ARID4B: variants seen among roughly 807,000 people sequenced by gnomAD.
The protein encoded by ARID4B is AT-rich interactive domain-containing protein 4B.
In ARID4B, 26 loss-of-function variants were observed where a neutral mutation model predicts 147.5. That is an observed-to-expected ratio of 0.18 (90% CI 0.13 to 0.24). The LOEUF is 0.24. Among genes scored for constraint, ARID4B ranks in the 10% least tolerant of loss-of-function variants. The probability of loss-of-function intolerance (pLI) is 1.00; values close to 1 mark genes in which losing one functional copy is unlikely to be tolerated. For missense variants in ARID4B, 1,179 were observed against 1,511.5 expected (o/e 0.78, Z 3.65); for synonymous variants, 512 against 507.9 (o/e 1.01, Z -0.11).
At chr1:235,173,397 A>G (rs145707253) in intron 22 of ARID4B, among the ~76,000 whole-genome samples, 1,566 of 152,188 alleles carry the variant, frequency 0.01, 25 homozygotes, top group African/African-American at 0.033. Context: ...AAAGACACCA[A>G]AATGCTAAAT....
intron 18 of ARID4B, among the ~76,000 whole-genome samples, chr1:235,195,108 T>C (rs935022123): frequency 1.3e-5 from 2 of 152,194 alleles, no homozygotes; most frequent in Non-Finnish European, 1.5e-5. Flanking sequence ...CAGTAAGCAC[T>C]ATAAATTTTG....
chr1:235,168,707 A>G (rs902761857), intron 23 of ARID4B, 55 bp from the exon 24 acceptor site: 3 of 1,568,284 alleles, frequency 1.9e-6, no homozygotes, highest in Non-Finnish European at 1.7e-6. Context: ...GTCTAACAAT[A>G]GACAGAAAAT....
chr1:235,258,075 T>C (rs552913616), intron 3 of ARID4B, among the ~76,000 whole-genome samples: 1 of 152,228 alleles, frequency 6.6e-6, no homozygotes, highest in Admixed American at 6.5e-5. Context: ...CTCATCCCTG[T>C]AATCCCAGCA....
intron 2 of ARID4B, among the ~76,000 whole-genome samples, chr1:235,326,535 C>T (rs3806394): frequency 0.29 from 44,550 of 152,154 alleles, 7,654 homozygotes; most frequent in South Asian, 0.53. Flanking sequence ...ACTGTTCACA[C>T]AATAAATAAG....
chr1:235,198,852 C>A (rs961028621), intron 17 of ARID4B, among the ~76,000 whole-genome samples: 1 of 152,210 alleles, frequency 6.6e-6, no homozygotes, highest in Admixed American at 6.5e-5. Context: ...GTAATCCCAG[C>A]ACTTTGGAAG....
chr1:235,190,141 C>T lies in ARID4B; in HGVS notation c.2125+3872G>A, dbSNP rs187274747. 6.9e-4 allele frequency: 106 copies of T among 153,548 alleles called. 1 individual carries two copies. The highest frequency in any genetic ancestry group is 2.4e-3 in the African/African-American group (100 of 41,440). 9.5% of individuals were successfully genotyped at this position (153,548 alleles called of 1,614,324 possible). A position where few individuals can be genotyped will look rare whatever the true frequency, so the allele number is the denominator to read the frequency against. On this transcript the variant is annotated intron_variant, in intron 19 of 23. Coordinates refer to ENST00000264183, the MANE Select transcript of ARID4B (RefSeq NM_016374.6). ...TATTTCAGAGTTAAATTTCTGGATA[C>T]GAAAAACAAAGATTCAAGATTCCTA... is the stretch of plus-strand genomic sequence containing the variant.
intron 2 of ARID4B, among the ~76,000 whole-genome samples, chr1:235,281,317 G>C (rs1358037618): frequency 6.6e-6 from 1 of 152,058 alleles, no homozygotes; most frequent in Non-Finnish European, 1.5e-5. Flanking sequence ...TTGGGAGGCT[G>C]AGGCGGGTGG....
Position 235,219,896 on chromosome 1 carries a change from GT to G in ARID4B, c.1479del (p.Lys493AsnfsTer18). The G allele has an allele frequency of 6.3e-7, 1 of 1,597,806 alleles. No homozygotes were observed. On this transcript the variant is annotated frameshift_variant, in exon 16 of 24. Transcript: ENST00000264183. LOFTEE classifies it high-confidence loss of function. ...SDQEKEVNIK[K>X]PEDNENLDDK... ...TCATCCAGATTTTCATTGTCTTCTG[GT>G]TTTTTAATGTTAACTTCTTTTTCCT...
intron 2 of ARID4B, among the ~76,000 whole-genome samples, chr1:235,294,408 G>T (rs1313679166): frequency 7.7e-6 from 1 of 129,358 alleles, no homozygotes; most frequent in African/African-American, 2.8e-5. Context: ...CGCCTCCCGG[G>T]TTCAAGCAAT....
chr1:235,225,588 G>A (rs1025653987), intron 11 of ARID4B, among the ~76,000 whole-genome samples: 1 of 152,180 alleles, frequency 6.6e-6, no homozygotes, highest in Non-Finnish European at 1.5e-5. Flanking sequence ...GAAAAAATAG[G>A]CTATGGAGCC....
chr1:235,256,600 T>C (rs1051428476), intron 4 of ARID4B, among the ~76,000 whole-genome samples: 22 of 152,182 alleles, frequency 1.4e-4, no homozygotes, highest in Admixed American at 2.0e-4. Flanking sequence ...TCTCCAACTG[T>C]TAGTGTAAAG....
At chr1:235,276,318 C>T (rs967721590) in intron 2 of ARID4B, among the ~76,000 whole-genome samples, 2 of 150,974 alleles carry the variant, frequency 1.3e-5, no homozygotes, top group African/African-American at 4.9e-5. Flanking sequence ...TAAGATATAA[C>T]CTCTGGCTAT....
intron 2 of ARID4B, among the ~76,000 whole-genome samples, chr1:235,325,305 A>G (rs940761396): frequency 2.0e-5 from 3 of 152,060 alleles, no homozygotes; most frequent in African/African-American, 7.2e-5. Context: ...GGCTAGTATT[A>G]CCAAGAAACT....
In ARID4B at chr1:235,328,033, T is replaced by A. The variant is rs949654620; in HGVS notation, c.-314A>T. On this transcript the variant is annotated 5_prime_UTR_variant, in exon 1 of 24. Coordinates refer to ENST00000264183, the MANE Select transcript of ARID4B (RefSeq NM_016374.6). ...GTCCGGGCCCCCAATCGCGCTGCCC[T>A]CCAGAGGACGGCGGCGATGGACCCT... 6.6e-6 allele frequency: 1 copy of A among 152,510 alleles called. No homozygotes were observed. The highest frequency in any genetic ancestry group is 1.5e-5 in the Non-Finnish European group (1 of 68,132). The allele number at this position is 152,510 out of a possible 1,614,324, so 9.4% of individuals were successfully genotyped here. A position where few individuals can be genotyped will look rare whatever the true frequency, so the allele number is the denominator to read the frequency against.
intron 2 of ARID4B, among the ~76,000 whole-genome samples, chr1:235,277,004 A>G (rs536554921): frequency 2.0e-5 from 3 of 151,918 alleles, no homozygotes; most frequent in South Asian, 2.1e-4. Context: ...ATCTCCGAAA[A>G]AAAAAAAAAA....
At chr1:235,216,316 C>A (rs1667073594) in intron 16 of ARID4B, among the ~76,000 whole-genome samples, 1 of 147,706 alleles carries the variant, frequency 6.8e-6, no homozygotes, top group Admixed American at 6.7e-5. Flanking sequence ...TGTATACACA[C>A]ACACACACAC....
intron 17 of ARID4B, among the ~76,000 whole-genome samples, chr1:235,212,133 T>C (rs541657062): frequency 1.3e-5 from 2 of 152,166 alleles, no homozygotes; most frequent in Non-Finnish European, 1.5e-5. Flanking sequence ...TAATCCTAGC[T>C]ACTCAGGAGG....
chr1:235,197,942 C>CT lies in ARID4B; in HGVS notation c.1842-1828dup, dbSNP rs1190898713. 4.6e-5 allele frequency among the ~76,000 whole-genome samples: 7 copies of CT among 152,284 alleles called. No homozygotes were observed. The East Asian group carries it at 1.3e-3, about 29-fold the overall frequency. ...GTATAATGCTTAGGAAAGCAATTTA[C>CT]TTCCTTCCAAAATCGGGGGCATGGT... On this transcript the variant is annotated intron_variant, in intron 17 of 23. Transcript: ENST00000264183.
intron 2 of ARID4B, among the ~76,000 whole-genome samples, chr1:235,270,258 G>A (rs759267012): frequency 1.4e-4 from 21 of 152,150 alleles, no homozygotes; most frequent in Admixed American, 9.8e-4. Context: ...ACTCCAGCCC[G>A]GGCGACAGAG....
Sources: allele counts gnomAD v4.1 joint callset (sites outside exome capture counted in the v4.1 genomes callset), GRCh38; gene constraint gnomAD v4.1.1; transcripts MANE v1.5; gene names NCBI Gene and HGNC (gene_info 2026-07-23, HGNC 2026-07-21).